COL19A1: variants seen among roughly 807,000 people sequenced by gnomAD.
COL19A1 encodes collagen alpha-1(XIX) chain.
COL19A1 carries 159 observed loss-of-function variants against 190.2 expected under a neutral mutation model. That is an observed-to-expected ratio of 0.84 (90% CI 0.73 to 0.95). The LOEUF is 0.95. Among genes scored for constraint, COL19A1 ranks in the 40% least tolerant of loss-of-function variants. COL19A1 has a pLI of 0.00. For synonymous variants in COL19A1, 509 were observed against 458.9 expected, an observed-to-expected ratio of 1.11 and a Z score of -1.39; for missense variants, 1,418 against 1,431.9, an observed-to-expected ratio of 0.99 and a Z score of 0.16.
rs1469556155 is a variant in COL19A1 at position 69,972,773 on chromosome 6, T to C, written c.1026+9903T>C. Among the ~76,000 whole-genome samples the C allele has an allele frequency of 3.9e-5, 6 of 152,358 alleles. No individual in the cohort carries two copies. In the East Asian group the frequency reaches 1.2e-3, roughly 29 times the overall value. Reference sequence around the variant, plus strand: ...GTATATTTCCAATTTTTATTATTTGTGAATCACATTGCCTTTTGGCAGGCA... The same window carrying C: ...GTATATTTCCAATTTTTATTATTTGCGAATCACATTGCCTTTTGGCAGGCA... On this transcript the variant is annotated intron_variant, in intron 11 of 50. Coordinates refer to ENST00000620364, the MANE Select transcript of COL19A1 (RefSeq NM_001858.6).
chr6:70,199,573 T>C (rs774959163), intron 48 of COL19A1, 35 bp from the exon 49 acceptor site: 8 of 1,393,322 alleles, frequency 5.7e-6, no homozygotes, highest in Non-Finnish European at 7.6e-6. Context: ...ATATTTCTGT[T>C]CTATGATATA....
intron 1 of COL19A1, among the ~76,000 whole-genome samples, chr6:69,876,306 C>CT (rs755753698): frequency 6.6e-6 from 1 of 152,176 alleles, no homozygotes; most frequent in Non-Finnish European, 1.5e-5. Flanking sequence ...AATTCATATG[C>CT]TTATAGCTTT....
intron 14 of COL19A1, among the ~76,000 whole-genome samples, chr6:70,059,035 T>G (rs972740622): frequency 6.6e-6 from 1 of 152,118 alleles, no homozygotes; most frequent in Admixed American, 6.6e-5. Context: ...CAAAATTTTC[T>G]GTAAAAACAG....
chr6:70,060,730 G>A (rs752811769), intron 14 of COL19A1, among the ~76,000 whole-genome samples: 7 of 151,976 alleles, frequency 4.6e-5, no homozygotes, highest in Non-Finnish European at 7.4e-5. Context: ...TCCACATTAC[G>A]GTGAGTGTAT....
At chr6:70,121,027 G>C (rs956371337) in intron 16 of COL19A1, among the ~76,000 whole-genome samples, 5 of 152,064 alleles carry the variant, frequency 3.3e-5, no homozygotes, top group African/African-American at 9.7e-5. Context: ...TATCTTATAA[G>C]GTAACATGTT....
intron 13 of COL19A1, among the ~76,000 whole-genome samples, chr6:70,034,660 T>C (rs889196597): frequency 1.3e-5 from 2 of 152,208 alleles, no homozygotes; most frequent in African/African-American, 4.8e-5. Context: ...GGAAAGAAGC[T>C]AGTTTTGTAT....
intron 48 of COL19A1, among the ~76,000 whole-genome samples, chr6:70,192,263 G>T (rs1766920576): frequency 6.6e-6 from 1 of 152,084 alleles, no homozygotes; most frequent in South Asian, 2.1e-4. Context: ...GTTTCACCAT[G>T]TTGGCAAAAA....
chr6:70,178,062 C>CTAAAAAAGCAGTTTTCATA (rs1562246980), intron 42 of COL19A1, among the ~76,000 whole-genome samples: 2 of 152,166 alleles, frequency 1.3e-5, no homozygotes, highest in Non-Finnish European at 2.9e-5. Context: ...GATATATTTA[C>CTAAAAAAGCAGTTTTCATA]TAAAAAAGCA....
intron 25 of COL19A1, among the ~76,000 whole-genome samples, chr6:70,145,984 G>A (rs1583021715): frequency 6.6e-6 from 1 of 152,034 alleles, no homozygotes; most frequent in Non-Finnish European, 1.5e-5. Context: ...GCCTCCCAAA[G>A]TGCTGGGATT....
chr6:70,138,066 G>A lies in COL19A1; in HGVS notation c.1446+319G>A, dbSNP rs554944965. Among the ~76,000 whole-genome samples the A allele has an allele frequency of 3.9e-5, 6 of 152,264 alleles. No individual in the cohort carries two copies. In the South Asian group the frequency reaches 1.0e-3, roughly 26 times the overall value. Reference sequence around the variant, plus strand: ...GCATTGGAGCTGTGAATCACACCTAGGTGAGTTGATTCTAGAACCTAAAGT... The same window carrying A: ...GCATTGGAGCTGTGAATCACACCTAAGTGAGTTGATTCTAGAACCTAAAGT... On this transcript the variant is annotated intron_variant, in intron 19 of 50. Coordinates refer to ENST00000620364, the MANE Select transcript of COL19A1 (RefSeq NM_001858.6).
chr6:70,113,417 T>C (rs564837259), intron 16 of COL19A1, among the ~76,000 whole-genome samples: 2 of 152,308 alleles, frequency 1.3e-5, no homozygotes, highest in South Asian at 4.1e-4. Context: ...TATTTCATTT[T>C]CCCTGAGTGA....
chr6:69,887,828 A>G (rs1240640493), intron 2 of COL19A1, among the ~76,000 whole-genome samples: 1 of 152,014 alleles, frequency 6.6e-6, no homozygotes, highest in African/African-American at 2.4e-5. Context: ...AGCACTTCCC[A>G]CCAGGCTGAT....
chr6:70,032,324 G>A (rs1194279149), intron 12 of COL19A1, among the ~76,000 whole-genome samples: 2 of 152,120 alleles, frequency 1.3e-5, no homozygotes, highest in Non-Finnish European at 2.9e-5. Context: ...GACAGGATGG[G>A]GGCCATGGTC....
At chr6:70,079,384 C>A (rs1212497223) in intron 15 of COL19A1, among the ~76,000 whole-genome samples, 1 of 152,148 alleles carries the variant, frequency 6.6e-6, no homozygotes, top group Non-Finnish European at 1.5e-5. Flanking sequence ...ACCAAGTTTA[C>A]TGTTAGCAAG....
chr6:69,923,436 C>G (rs565085829), intron 4 of COL19A1, among the ~76,000 whole-genome samples: 1 of 152,090 alleles, frequency 6.6e-6, no homozygotes, highest in Non-Finnish European at 1.5e-5. Flanking sequence ...TTTTTCCTGC[C>G]TGGTAGTTCC....
chr6:69,928,101 T>G (rs957087955), intron 5 of COL19A1, 69 bp downstream of exon 5: 4 of 1,574,758 alleles, frequency 2.5e-6, no homozygotes, highest in Non-Finnish European at 3.5e-6. Flanking sequence ...TTATTTGAAC[T>G]GGTGCACAAA....
At chr6:69,898,874 A>C (rs995136095) in intron 2 of COL19A1, 74 bp from the exon 3 acceptor site, 2 of 858,910 alleles carry the variant, frequency 2.3e-6, no homozygotes, top group African/African-American at 3.4e-5. Flanking sequence ...TTTTATCTTA[A>C]GTTTCTGATT....
intron 31 of COL19A1, among the ~76,000 whole-genome samples, chr6:70,153,589 T>C (rs1396603236): frequency 6.6e-6 from 1 of 152,192 alleles, no homozygotes; most frequent in Non-Finnish European, 1.5e-5. Flanking sequence ...ATTATCATTT[T>C]TTAATGTTTC....
chr6:70,130,096 ATC>A (rs1329951030), intron 17 of COL19A1, 84 bp from the exon 18 acceptor site: 7 of 1,446,332 alleles, frequency 4.8e-6, no homozygotes, highest in African/African-American at 1.4e-5. Context: ...CAGAACTATT[ATC>A]TGACTGCTTA....
Sources: allele counts gnomAD v4.1 joint callset (sites outside exome capture counted in the v4.1 genomes callset), GRCh38; gene constraint gnomAD v4.1.1; transcripts MANE v1.5; gene names NCBI Gene and HGNC (gene_info 2026-07-23, HGNC 2026-07-21).